KCNU1: variants seen among roughly 807,000 people sequenced by gnomAD.
KCNU1 encodes potassium calcium-activated channel subfamily U member 1.
KCNU1 carries 93 observed loss-of-function variants against 126.8 expected under a neutral mutation model. The ratio of observed to expected loss-of-function variants is 0.73; its 90% CI spans 0.62 to 0.87. The LOEUF (loss-of-function observed/expected upper bound fraction) is 0.87. KCNU1 is among the 40% of genes least tolerant of loss of function. The pLI is 0.00. For synonymous variants in KCNU1, 523 were observed against 494.2 expected, an observed-to-expected ratio of 1.06 and a Z score of -0.77; for missense variants, 1,330 against 1,367.1, an observed-to-expected ratio of 0.97 and a Z score of 0.43.
intron 20 of KCNU1, among the ~76,000 whole-genome samples, chr8:36,907,189 C>T (rs997957605): frequency 1.3e-5 from 2 of 152,026 alleles, no homozygotes; most frequent in Non-Finnish European, 2.9e-5. Context: ...TTGCAAAATT[C>T]GGGGTATCTT....
At chr8:36,843,158 T>G (rs1009886318) in intron 16 of KCNU1, among the ~76,000 whole-genome samples, 1 of 152,188 alleles carries the variant, frequency 6.6e-6, no homozygotes, top group Non-Finnish European at 1.5e-5. Flanking sequence ...TTCTGTAAAC[T>G]TTATTAAGAT....
intron 23 of KCNU1, among the ~76,000 whole-genome samples, chr8:36,921,417 AGATT>A (rs1314589344): frequency 6.6e-6 from 1 of 152,118 alleles, no homozygotes; most frequent in Non-Finnish European, 1.5e-5. Flanking sequence ...TCTTGAAAGA[AGATT>A]CTAGAAACAA....
chr8:36,803,460 C>A (rs1803384215), intron 2 of KCNU1, among the ~76,000 whole-genome samples: 1 of 151,836 alleles, frequency 6.6e-6, no homozygotes, highest in Non-Finnish European at 1.5e-5. Flanking sequence ...CCCGAGATAC[C>A]CTATTTTACA....
At chr8:36,833,457 G>T in intron 10 of KCNU1, 97 bp from the exon 11 acceptor site, 1 of 665,690 alleles carries the variant, frequency 1.5e-6, no homozygotes. Context: ...TCACTATGAG[G>T]GATTCTACTA....
chr8:36,922,185 C>T (rs1009080429), intron 23 of KCNU1, among the ~76,000 whole-genome samples: 7 of 152,106 alleles, frequency 4.6e-5, no homozygotes, highest in African/African-American at 1.7e-4. Flanking sequence ...CCAAAATATC[C>T]TGGTTTGAAA....
intron 19 of KCNU1, chr8:36,889,169 T>G (rs1443302966): frequency 3.7e-6 from 2 of 534,330 alleles, no homozygotes; most frequent in African/African-American, 3.8e-5. Flanking sequence ...ATGAGCCATA[T>G]GCCCAGCAAA....
chr8:36,789,332 C>G (rs1031190373), intron 2 of KCNU1, among the ~76,000 whole-genome samples: 7 of 151,978 alleles, frequency 4.6e-5, no homozygotes, highest in African/African-American at 1.5e-4. Flanking sequence ...CCACTGCACT[C>G]CAGCCTAGGC....
intron 19 of KCNU1, 118 bp downstream of exon 19, chr8:36,864,639 G>C: frequency 1.5e-6 from 1 of 651,396 alleles, no homozygotes; most frequent in African/African-American, 1.8e-5. Flanking sequence ...CAATGGAATT[G>C]TTCCTCCCCA....
At chr8:36,882,027 G>A (rs115534563) in intron 19 of KCNU1, among the ~76,000 whole-genome samples, 4 of 152,060 alleles carry the variant, frequency 2.6e-5, no homozygotes, top group African/African-American at 4.8e-5. Flanking sequence ...TCTTAAAAGT[G>A]CTACCTTACT....
rs540075333 is a variant in KCNU1 at position 36,811,385 on chromosome 8, G to C, written c.732+2592G>C. The stretch of plus-strand genomic sequence containing the variant: ...AGATAATCCAAGCAGAACAAAACAG[G>C]GTCTATACAGGGGGGAACCAATGAG... On this transcript the variant is annotated intron_variant, in intron 7 of 26. Coordinates refer to ENST00000399881, the MANE Select transcript of KCNU1 (RefSeq NM_001031836.3). Among the ~76,000 whole-genome samples the C allele has an allele frequency of 7.2e-5, 11 of 152,062 alleles. No homozygotes were observed. The South Asian group carries it at 2.3e-3, about 32-fold the overall frequency.
intron 8 of KCNU1, 122 bp from the exon 9 acceptor site, chr8:36,815,474 A>C (rs899112919): frequency 1.5e-5 from 8 of 548,692 alleles, no homozygotes; most frequent in African/African-American, 9.8e-5. Context: ...TTAACATGCT[A>C]TCATGTGCTC....
chr8:36,796,697 T>A (rs1364134440), intron 2 of KCNU1, among the ~76,000 whole-genome samples: 2 of 152,206 alleles, frequency 1.3e-5, no homozygotes, highest in Non-Finnish European at 2.9e-5. Context: ...ATCCTCCTGT[T>A]TTCATTGTAT....
At chr8:36,926,096 C>G (rs1808522087) in intron 24 of KCNU1, among the ~76,000 whole-genome samples, 1 of 152,168 alleles carries the variant, frequency 6.6e-6, no homozygotes, top group Admixed American at 6.5e-5. Flanking sequence ...TAACATCTCA[C>G]AAGCATTTAC....
At chr8:36,787,283 C>G in intron 1 of KCNU1, 23 bp from the exon 2 acceptor site, 1 of 1,590,832 alleles carries the variant, frequency 6.3e-7, no homozygotes, top group Non-Finnish European at 8.6e-7. Flanking sequence ...CTCACATTGT[C>G]AATTTCTTTC....
chr8:36,925,747 G>A (rs1808510080), intron 24 of KCNU1, among the ~76,000 whole-genome samples: 1 of 152,168 alleles, frequency 6.6e-6, no homozygotes, highest in Non-Finnish European at 1.5e-5. Flanking sequence ...CGGAGAGGAA[G>A]AGAACATTTA....
intron 2 of KCNU1, among the ~76,000 whole-genome samples, chr8:36,787,779 T>C (rs1424980836): frequency 2.7e-5 from 4 of 147,884 alleles, no homozygotes; most frequent in Non-Finnish European, 4.5e-5. Flanking sequence ...ATATAATTAT[T>C]AGTAATTATA....
intron 19 of KCNU1, among the ~76,000 whole-genome samples, chr8:36,893,897 A>G (rs763399473): frequency 6.6e-6 from 1 of 152,050 alleles, no homozygotes; most frequent in Non-Finnish European, 1.5e-5. Context: ...GTTATTTTTC[A>G]TCTTCCTATT....
intron 19 of KCNU1, among the ~76,000 whole-genome samples, chr8:36,875,922 T>G (rs904049117): frequency 2.0e-5 from 3 of 152,202 alleles, no homozygotes; most frequent in African/African-American, 7.2e-5. Flanking sequence ...GCCAGGACCA[T>G]GGGCAACGTG....
chr8:36,795,826 A>G (rs1014760186), intron 2 of KCNU1: 5 of 152,058 alleles, frequency 3.3e-5, no homozygotes, highest in Non-Finnish European at 7.3e-5. Context: ...TTGGGGTAAT[A>G]TTTGTTGTCA....
Sources: allele counts gnomAD v4.1 joint callset (sites outside exome capture counted in the v4.1 genomes callset), GRCh38; gene constraint gnomAD v4.1.1; transcripts MANE v1.5; gene names NCBI Gene and HGNC (gene_info 2026-07-23, HGNC 2026-07-21).